Variants in SCAI observed in about 807,000 individuals in gnomAD.
The protein encoded by SCAI is suppressor of cancer cell invasion.
Under a neutral mutation model 92.2 loss-of-function variants are expected in SCAI, and 24 were observed. That is an observed-to-expected ratio of 0.26 (90% CI 0.19 to 0.37). SCAI has a LOEUF of 0.37. Among genes scored for constraint, SCAI ranks in the 10% least tolerant of loss-of-function variants. The pLI is 1.00. For missense variants in SCAI, 450 were observed against 736.2 expected, an observed-to-expected ratio of 0.61 and a Z score of 4.50; for synonymous variants, 261 against 258.6, an observed-to-expected ratio of 1.01 and a Z score of -0.09.
At chr9:125,139,583 C>T (rs1161073365) in intron 2 of SCAI, among the ~76,000 whole-genome samples, 1 of 152,148 alleles carries the variant, frequency 6.6e-6, no homozygotes, top group African/African-American at 2.4e-5. Flanking sequence ...TTAATAGTTC[C>T]ATCATTGAAA....
intron 3 of SCAI, 78 bp from the exon 4 acceptor site, chr9:125,029,817 C>T: frequency 1.3e-6 from 1 of 784,384 alleles, no homozygotes; most frequent in East Asian, 3.0e-5. Context: ...TGGTACAAAC[C>T]AGACAGATGA....
At chr9:124,992,167 C>G (rs1408123582) in intron 14 of SCAI, among the ~76,000 whole-genome samples, 1 of 152,176 alleles carries the variant, frequency 6.6e-6, no homozygotes, top group African/African-American at 2.4e-5. Context: ...ATCCTCTTGC[C>G]TTGGCCTCCC....
At chr9:125,016,458 A>C (rs2131066704) in intron 9 of SCAI, among the ~76,000 whole-genome samples, 1 of 151,710 alleles carries the variant, frequency 6.6e-6, no homozygotes, top group East Asian at 1.9e-4. Context: ...AATTCAAAAT[A>C]GGAAGAAGGA....
chr9:125,127,287 C>T (rs1835297621), intron 2 of SCAI, among the ~76,000 whole-genome samples: 1 of 152,120 alleles, frequency 6.6e-6, no homozygotes, highest in Non-Finnish European at 1.5e-5. Flanking sequence ...CCTGGTACCT[C>T]AAAAGCCTAT....
intron 2 of SCAI, among the ~76,000 whole-genome samples, chr9:125,084,405 C>G (rs1834285287): frequency 6.6e-6 from 1 of 151,988 alleles, no homozygotes; most frequent in Admixed American, 6.6e-5. Context: ...CTCTTGACCT[C>G]ATGATCTGCC....
At chr9:125,078,028 A>G (rs1834131239) in intron 2 of SCAI, among the ~76,000 whole-genome samples, 1 of 151,142 alleles carries the variant, frequency 6.6e-6, no homozygotes, top group African/African-American at 2.4e-5. Flanking sequence ...CCTTTGGTGT[A>G]TTTTTTTAAT....
intron 3 of SCAI, among the ~76,000 whole-genome samples, chr9:125,046,196 G>GATATATATATATATATATGTAT (rs1554784578): frequency 1.9e-5 from 1 of 51,868 alleles, no homozygotes; most frequent in Non-Finnish European, 3.6e-5. Flanking sequence ...GAAATTGTGA[G>GATATATATATATATATATGTAT]ATATATATAT....
chr9:124,969,853 A>ACC (rs1831618282), intron 17 of SCAI, among the ~76,000 whole-genome samples: 1 of 152,128 alleles, frequency 6.6e-6, no homozygotes, highest in Admixed American at 6.6e-5. Flanking sequence ...TTTCACAGTA[A>ACC]CATCATTTTT....
intron 2 of SCAI, among the ~76,000 whole-genome samples, chr9:125,097,192 G>A (rs1240011042): frequency 6.6e-6 from 1 of 152,182 alleles, no homozygotes; most frequent in African/African-American, 2.4e-5. Flanking sequence ...CAGCACTTTG[G>A]GAGACCGAGG....
intron 9 of SCAI, among the ~76,000 whole-genome samples, chr9:125,011,145 T>A (rs10819024): frequency 6.7e-6 from 1 of 148,428 alleles, no homozygotes; most frequent in Admixed American, 6.7e-5. Flanking sequence ...GCCAAAGGAA[T>A]GCAGCTCCTC....
chr9:125,114,694 C>T lies in SCAI; in HGVS notation c.98+27939G>A, dbSNP rs372567230. Reference sequence around the variant, plus strand: ...GATCACAGCTCACACCAGCCTTGAACTCCTTGGCTCAAACGATCCTCTCAC... The same window carrying T: ...GATCACAGCTCACACCAGCCTTGAATTCCTTGGCTCAAACGATCCTCTCAC... On this transcript the variant is annotated intron_variant, in intron 2 of 17. Coordinates refer to ENST00000336505, the MANE Select transcript of SCAI (RefSeq NM_001144877.3). Among the ~76,000 whole-genome samples, 45 of 151,422 alleles carry T rather than the reference C, an allele frequency of 3.0e-4. No individual in the cohort carries two copies. In the South Asian group the frequency reaches 6.3e-3, roughly 21 times the overall value.
intron 14 of SCAI, among the ~76,000 whole-genome samples, chr9:124,986,370 T>C (rs1325565060): frequency 2.6e-5 from 4 of 152,160 alleles, no homozygotes; most frequent in African/African-American, 9.7e-5. Flanking sequence ...AAAAATACCA[T>C]AACCAACAAA....
chr9:125,109,468 T>A (rs928279694), intron 2 of SCAI, among the ~76,000 whole-genome samples: 13 of 152,030 alleles, frequency 8.6e-5, no homozygotes, highest in African/African-American at 3.1e-4. Flanking sequence ...CAAACAATTT[T>A]AAAAAAATGA....
At chr9:125,108,051 C>T (rs867992292) in intron 2 of SCAI, among the ~76,000 whole-genome samples, 6 of 152,374 alleles carry the variant, frequency 3.9e-5, no homozygotes, top group Non-Finnish European at 7.3e-5. Flanking sequence ...CCGGGCTGGT[C>T]TCCAGCTCCT....
At chr9:125,140,380 T>A (rs1008827257) in intron 2 of SCAI, among the ~76,000 whole-genome samples, 1 of 150,816 alleles carries the variant, frequency 6.6e-6, no homozygotes, top group Non-Finnish European at 1.5e-5. Context: ...ATACAAAAAT[T>A]AGCCGGGCAT....
Position 125,078,601 on chromosome 9 carries a change from T to A in SCAI, c.99-22594A>T, listed in dbSNP as rs180720458. ...GGTTCACCCTTCCCCCCACCACCCC[T>A]ATACTGCCAGCATCAACAGCTTCCC... On this transcript the variant is annotated intron_variant, in intron 2 of 17. Transcript: ENST00000336505. Among the ~76,000 whole-genome samples, 11 of 152,154 alleles carry A rather than the reference T, an allele frequency of 7.2e-5. No homozygotes were observed. In the East Asian group the frequency reaches 2.1e-3, roughly 29 times the overall value.
At chr9:125,036,482 A>G (rs1833198620) in intron 3 of SCAI, among the ~76,000 whole-genome samples, 1 of 152,190 alleles carries the variant, frequency 6.6e-6, no homozygotes, top group Non-Finnish European at 1.5e-5. Flanking sequence ...TAAAATCAGA[A>G]AGAGTCAAAA....
chr9:124,970,569 A>C (rs1439225850), intron 17 of SCAI, among the ~76,000 whole-genome samples: 5 of 151,830 alleles, frequency 3.3e-5, no homozygotes, highest in Admixed American at 2.6e-4. Context: ...AAATACAAAA[A>C]ATTAGCCAGG....
intron 17 of SCAI, among the ~76,000 whole-genome samples, chr9:124,957,944 A>G (rs1459357415): frequency 6.6e-6 from 1 of 152,196 alleles, no homozygotes; most frequent in Non-Finnish European, 1.5e-5. Flanking sequence ...TGGCCTCCCA[A>G]AGTGCTGGGA....
Sources: allele counts gnomAD v4.1 joint callset (sites outside exome capture counted in the v4.1 genomes callset), GRCh38; gene constraint gnomAD v4.1.1; transcripts MANE v1.5; gene names NCBI Gene and HGNC (gene_info 2026-07-23, HGNC 2026-07-21).